ZNF678: variants seen among roughly 807,000 people sequenced by gnomAD.
ZNF678 encodes zinc finger protein 678, also known as hypothetical protein MGC42493.
ZNF678 carries 5 observed loss-of-function variants against 3.0 expected under a neutral mutation model. The ratio of observed to expected loss-of-function variants is 1.69; its 90% confidence interval spans 0.88 to 3.56. The LOEUF (loss-of-function observed/expected upper bound fraction) is 3.56, where lower values mean the gene tolerates loss of function less well. ZNF678 is among the 30% of genes most tolerant of loss of function. The pLI, the probability that ZNF678 is intolerant of heterozygous loss-of-function variation, is 0.00. For missense variants in ZNF678, 593 were observed against 605.0 expected (o/e 0.98, Z 0.21); for synonymous variants, 218 against 199.6 (o/e 1.09, Z -0.78).
At chr1:227,635,515 TTGTGTGTGTGTGTGTGTG>T (rs56135481) in intron 1 of ZNF678, among the ~76,000 whole-genome samples, 14 of 128,008 alleles carry the variant, frequency 1.1e-4, no homozygotes, top group East Asian at 4.8e-4. Context: ...GGGTGAACAT[TTGTGTGTGTGTGTGTGTG>T]TGTGTGTGTG....
chr1:227,655,390 A>G lies in ZNF678; in HGVS notation c.1140A>G (p.Lys380=). ...IHTGEKPYKC[K]ECGKAFNKFS... The stretch of plus-strand genomic sequence containing the variant: ...CTGGAGAGAAACCCTACAAATGCAA[A>G]GAATGTGGCAAAGCGTTTAACAAGT... Residue 380 remains lysine, a synonymous_variant, in exon 4 of 4, where the codon AAA becomes AAG. Transcript: ENST00000343776. The G allele has an allele frequency of 1.2e-6, 2 of 1,612,710 alleles. No individual in the cohort carries two copies. The highest frequency in any genetic ancestry group is 1.7e-6 in the Non-Finnish European group (2 of 1,179,348).
At chr1:227,663,373 G>A (rs1659448666), downstream of ZNF678, among the ~76,000 whole-genome samples, 1 of 152,178 alleles carries the variant, frequency 6.6e-6, no homozygotes, top group Non-Finnish European at 1.5e-5. Flanking sequence ...AAACAGCTTT[G>A]ATTATGAAAT....
intron 1 of ZNF678, among the ~76,000 whole-genome samples, chr1:227,632,434 T>C (rs1658569446): frequency 6.6e-6 from 1 of 152,082 alleles, no homozygotes; most frequent in South Asian, 2.1e-4. Context: ...TAGGGGCACA[T>C]GCATGGGCGA....
chr1:227,621,106 T>C (rs969280232), intron 1 of ZNF678, among the ~76,000 whole-genome samples: 2 of 152,202 alleles, frequency 1.3e-5, no homozygotes, highest in East Asian at 3.9e-4. Context: ...GTCAACCAGA[T>C]GTAGTGGTAT....
chr1:227,596,884 AAAG>A (rs1396402537), intron 1 of ZNF678, among the ~76,000 whole-genome samples: 2 of 152,350 alleles, frequency 1.3e-5, no homozygotes, highest in East Asian at 1.9e-4. Context: ...AAAAATGAAA[AAAG>A]AAAATTATAA....
At chr1:227,613,754 C>G (rs1658079306) in intron 1 of ZNF678, among the ~76,000 whole-genome samples, 1 of 152,174 alleles carries the variant, frequency 6.6e-6, no homozygotes, top group Non-Finnish European at 1.5e-5. Flanking sequence ...GACTCCCTTG[C>G]AAAACTCTGT....
At position 227,653,600 on chromosome 1, in the gene ZNF678, G is replaced by A. The variant is rs59035541; in HGVS notation, c.86-736G>A. On this transcript the variant is annotated intron_variant, in intron 3 of 3. Coordinates refer to ENST00000343776, the MANE Select transcript of ZNF678 (RefSeq NM_001367909.1). ...ATGCCACCTGTCACAGTCTTTATAA[G>A]TGGCTTTGTCCTGGAGGAGGCTAAT... Among the ~76,000 whole-genome samples the A allele has an allele frequency of 3.9e-5, 6 of 152,162 alleles. No homozygotes were observed. In the East Asian group the frequency reaches 9.7e-4, roughly 24 times the overall value.
At chr1:227,646,296 A>T (rs894504582) in intron 1 of ZNF678, among the ~76,000 whole-genome samples, 2 of 152,232 alleles carry the variant, frequency 1.3e-5, no homozygotes, top group Admixed American at 1.3e-4. Context: ...TAATGCATGT[A>T]TTGGCGCCCT....
rs1169038897 is a variant in ZNF678 at position 227,661,953 on chromosome 1, G to C, written c.*6125G>C. On this transcript the variant is annotated 3_prime_UTR_variant, in exon 4 of 4. Transcript: ENST00000343776. ...TTTTATACTACTCGGGGGACAAGGA[G>C]GGAACTACAGTCAGTAACAGCAGCA... 6.6e-6 allele frequency: 1 copy of C among 152,176 alleles called. No individual in the cohort carries two copies. The highest frequency in any genetic ancestry group is 1.5e-5 in the Non-Finnish European group (1 of 68,080). The allele number at this position is 152,176 out of a possible 1,614,324, so 9.4% of individuals were successfully genotyped here.
intron 1 of ZNF678, among the ~76,000 whole-genome samples, chr1:227,593,084 G>A (rs922466874): frequency 3.9e-5 from 6 of 152,216 alleles, no homozygotes; most frequent in South Asian, 2.1e-4. Flanking sequence ...GCAGGGTGCC[G>A]GACTTCAGGA....
intron 1 of ZNF678, among the ~76,000 whole-genome samples, chr1:227,635,515 TTGTGTG>T (rs56135481): frequency 0.011 from 1,375 of 127,996 alleles, 15 homozygotes; most frequent in African/African-American, 0.022. Flanking sequence ...GGGTGAACAT[TTGTGTG>T]TGTGTGTGTG....
chr1:227,575,272 C>T (rs879481712), intron 1 of ZNF678, among the ~76,000 whole-genome samples: 10 of 152,034 alleles, frequency 6.6e-5, no homozygotes, highest in Non-Finnish European at 1.2e-4. Flanking sequence ...TTCTCTAGTT[C>T]TGTGAAGCAT....
At chr1:227,653,802 C>T (rs975331711) in intron 3 of ZNF678, among the ~76,000 whole-genome samples, 1 of 152,122 alleles carries the variant, frequency 6.6e-6, no homozygotes, top group Non-Finnish European at 1.5e-5. Flanking sequence ...CTCTCTGCTG[C>T]AGTAGCAATT....
chr1:227,593,863 CCCCCTT>C (rs1558136342), intron 1 of ZNF678, among the ~76,000 whole-genome samples: 2 of 76,734 alleles, frequency 2.6e-5, no homozygotes, highest in Admixed American at 1.4e-4. Context: ...CATCCCCCCC[CCCCCTT>C]TTTTTTTTTT....
At chr1:227,649,244 T>A (rs1056868841) in intron 2 of ZNF678, among the ~76,000 whole-genome samples, 1 of 152,246 alleles carries the variant, frequency 6.6e-6, no homozygotes, top group Non-Finnish European at 1.5e-5. Flanking sequence ...CTGAATTTTA[T>A]GATACTTGTA....
chr1:227,673,079 A>G lies in ZNF678; in HGVS notation c.227-4100A>G, dbSNP rs565352419. On this transcript the variant is annotated intron_variant, in intron 5 of 5. Transcript: ENST00000608949. ...GACCCTGGCCCTCTCTCCACTTCCA[A>G]GTGCTACCTCAGGTTCAACACCACA... 8.5e-5 allele frequency among the ~76,000 whole-genome samples: 13 copies of G among 152,224 alleles called. No individual in the cohort carries two copies. In the East Asian group the frequency reaches 1.5e-3, roughly 18 times the overall value.
chr1:227,678,016 G>C (rs1475681151), downstream of ZNF678, among the ~76,000 whole-genome samples: 1 of 152,098 alleles, frequency 6.6e-6, no homozygotes, highest in African/African-American at 2.4e-5. Flanking sequence ...GACCCCCTAG[G>C]GTGATTTGTT....
At chr1:227,573,119 A>C (rs1365958766) in intron 1 of ZNF678, among the ~76,000 whole-genome samples, 1 of 151,788 alleles carries the variant, frequency 6.6e-6, no homozygotes, top group Non-Finnish European at 1.5e-5. Flanking sequence ...ACAAGAAGGC[A>C]ATCAGGGAGT....
intron 1 of ZNF678, among the ~76,000 whole-genome samples, chr1:227,620,406 C>T (rs1418687997): frequency 2.0e-5 from 3 of 152,118 alleles, no homozygotes; most frequent in South Asian, 2.1e-4. Context: ...CTTTTGCACA[C>T]GTTCTTTCTC....
Sources: allele counts gnomAD v4.1 joint callset (sites outside exome capture counted in the v4.1 genomes callset), GRCh38; gene constraint gnomAD v4.1.1; transcripts MANE v1.5; gene names NCBI Gene and HGNC (gene_info 2026-07-23, HGNC 2026-07-21).